The following CAMK1D variants were observed in gnomAD, a reference collection of about 807,000 sequenced individuals.
CAMK1D encodes calcium/calmodulin-dependent protein kinase type 1D.
Under a neutral mutation model 47.7 loss-of-function variants are expected in CAMK1D, and 9 were observed. The ratio of observed to expected loss-of-function variants is 0.19; its 90% CI spans 0.11 to 0.33. The LOEUF (loss-of-function observed/expected upper bound fraction) is 0.33. Among genes scored for constraint, CAMK1D ranks in the 10% least tolerant of loss-of-function variants. The probability of loss-of-function intolerance (pLI) is 1.00; values close to 1 mark genes in which losing one functional copy is unlikely to be tolerated. For synonymous variants in CAMK1D, 184 were observed against 184.9 expected (o/e 0.99, Z 0.04); for missense variants, 291 against 488.7 (o/e 0.60, Z 3.81).
intron 1 of CAMK1D, among the ~76,000 whole-genome samples, chr10:12,539,016 C>T (rs972672537): frequency 2.0e-5 from 3 of 152,154 alleles, no homozygotes; most frequent in African/African-American, 7.2e-5. Context: ...ATCCTCCTGC[C>T]TTGGTCTCCC....
chr10:12,692,986 T>G (rs2130674928), intron 3 of CAMK1D, among the ~76,000 whole-genome samples: 1 of 152,288 alleles, frequency 6.6e-6, no homozygotes, highest in East Asian at 1.9e-4. Context: ...GCTGCTGTGA[T>G]TAACATTTCA....
At chr10:12,593,831 C>T (rs1462647590) in intron 2 of CAMK1D, among the ~76,000 whole-genome samples, 2 of 152,290 alleles carry the variant, frequency 1.3e-5, no homozygotes, top group Non-Finnish European at 2.9e-5. Flanking sequence ...TAATGTCTGC[C>T]CTTGGTCAGG....
chr10:12,383,293 C>T (rs1342056358), intron 1 of CAMK1D, among the ~76,000 whole-genome samples: 1 of 151,494 alleles, frequency 6.6e-6, no homozygotes, highest in Non-Finnish European at 1.5e-5. Context: ...CTGTAAAGAG[C>T]TTTTTGTGGT....
At chr10:12,675,577 A>T (rs1380867094) in intron 3 of CAMK1D, among the ~76,000 whole-genome samples, 6 of 152,022 alleles carry the variant, frequency 3.9e-5, no homozygotes, top group African/African-American at 1.4e-4. Flanking sequence ...AAACACAACC[A>T]CTTTTCCTCG....
At chr10:12,788,122 A>G (rs546138400) in intron 5 of CAMK1D, among the ~76,000 whole-genome samples, 1 of 152,344 alleles carries the variant, frequency 6.6e-6, no homozygotes, top group Non-Finnish European at 1.5e-5. Flanking sequence ...TTTACTTGTT[A>G]ATAATTTAAA....
At position 12,714,210 on chromosome 10, in the gene CAMK1D, C is replaced by T. The variant is rs190473872; in HGVS notation, c.300-46738C>T. On this transcript the variant is annotated intron_variant, in intron 3 of 10. Transcript: ENST00000619168. ...TGGTCACCCTGCTGACCGACCCCAC[C>T]GTCACCCCCCACCCCCGTAGGCATA... Among the ~76,000 whole-genome samples, 810 of 152,174 alleles carry T rather than the reference C, an allele frequency of 5.3e-3. 5 individuals carry two copies. The highest frequency in any genetic ancestry group is 0.027 in the Middle Eastern group (8 of 294).
At chr10:12,769,615 C>T in intron 4 of CAMK1D, 58 bp from the exon 5 acceptor site, 1 of 1,589,306 alleles carries the variant, frequency 6.3e-7, no homozygotes, top group Admixed American at 1.7e-5. Context: ...ATGAGTCTTC[C>T]ACAATTAACC....
intron 3 of CAMK1D, among the ~76,000 whole-genome samples, chr10:12,756,708 C>G (rs187078042): frequency 2.0e-5 from 3 of 152,230 alleles, no homozygotes; most frequent in East Asian, 3.9e-4. Flanking sequence ...GGGTGGATCA[C>G]GAGGTCAGAA....
chr10:12,506,980 T>C (rs1298724275), intron 1 of CAMK1D, among the ~76,000 whole-genome samples: 2 of 152,222 alleles, frequency 1.3e-5, no homozygotes, highest in Non-Finnish European at 2.9e-5. Context: ...ATATTTCCCA[T>C]ATAAATATAG....
chr10:12,463,146 T>C (rs1365213403), intron 1 of CAMK1D, among the ~76,000 whole-genome samples: 1 of 151,910 alleles, frequency 6.6e-6, no homozygotes, highest in Admixed American at 6.6e-5. Context: ...TTTTTTTTTT[T>C]TCCTCCTGAA....
chr10:12,387,616 C>G (rs1282676638), intron 1 of CAMK1D, among the ~76,000 whole-genome samples: 1 of 149,258 alleles, frequency 6.7e-6, no homozygotes, highest in Admixed American at 6.8e-5. Flanking sequence ...AAGTGACCCT[C>G]CCACTTCAGC....
At chr10:12,427,788 A>C (rs1286228470) in intron 1 of CAMK1D, among the ~76,000 whole-genome samples, 1 of 130,344 alleles carries the variant, frequency 7.7e-6, no homozygotes, top group African/African-American at 3.0e-5. Context: ...GCTCACCGCA[A>C]CCTTTTCCTC....
In CAMK1D at chr10:12,381,206, G is replaced by A. The variant is rs187793984; in HGVS notation, c.92+31296G>A. On this transcript the variant is annotated intron_variant, in intron 1 of 10. Coordinates refer to ENST00000619168, the MANE Select transcript of CAMK1D (RefSeq NM_153498.4). The stretch of plus-strand genomic sequence containing the variant: ...GACAGCGGGCCCCGCCCCTTATAAA[G>A]TTGTAGAATGAATGCCGTTCCCTTC... 7.4e-4 allele frequency among the ~76,000 whole-genome samples: 112 copies of A among 152,324 alleles called. 1 individual carries two copies. Among genetic ancestry groups the A allele is most frequent in the African/African-American group, 2.5e-3 (103 of 41,568 alleles).
rs185038002 is a variant in CAMK1D, at chr10:12,527,619, G to A, written c.93-25606G>A. Reference sequence around the variant, plus strand: ...TCCAACTCCTGACCTCAAATGATCCGCCTGCCTCGGCTTCCCGAATTGCTG... The same window carrying A: ...TCCAACTCCTGACCTCAAATGATCCACCTGCCTCGGCTTCCCGAATTGCTG... On this transcript the variant is annotated intron_variant, in intron 1 of 10. Transcript: ENST00000619168. 6.1e-3 allele frequency among the ~76,000 whole-genome samples: 921 copies of A among 152,180 alleles called. 8 individuals are homozygous for A. The highest frequency in any genetic ancestry group is 8.8e-3 in the Non-Finnish European group (595 of 67,998).
intron 1 of CAMK1D, among the ~76,000 whole-genome samples, chr10:12,398,119 G>C (rs1839028922): frequency 6.6e-6 from 1 of 152,020 alleles, no homozygotes; most frequent in Non-Finnish European, 1.5e-5. Flanking sequence ...TGTAACCAGT[G>C]GAGCTAAATA....
intron 1 of CAMK1D, among the ~76,000 whole-genome samples, chr10:12,445,582 G>A (rs151295290): frequency 1.1e-4 from 16 of 152,224 alleles, no homozygotes; most frequent in African/African-American, 2.6e-4. Context: ...TACTGTTAAC[G>A]TGCTTTTTTA....
At chr10:12,682,478 T>G (rs1330385537) in intron 3 of CAMK1D, among the ~76,000 whole-genome samples, 1 of 152,190 alleles carries the variant, frequency 6.6e-6, no homozygotes. Context: ...ATAAAAATAT[T>G]TTGAAGGCTG....
intron 1 of CAMK1D, among the ~76,000 whole-genome samples, chr10:12,432,439 G>A (rs564829786): frequency 1.3e-5 from 2 of 150,404 alleles, no homozygotes; most frequent in Non-Finnish European, 3.0e-5. Context: ...AAATGAATGA[G>A]TGAGTACACG....
chr10:12,603,628 G>A lies in CAMK1D; in HGVS notation c.224+50272G>A, dbSNP rs559630262. Among the ~76,000 whole-genome samples, 8 of 152,274 alleles carry A rather than the reference G, an allele frequency of 5.3e-5. No homozygotes were observed. In the East Asian group the frequency reaches 1.5e-3, roughly 29 times the overall value. Reference sequence around the variant, plus strand: ...GACAGCCATGAGAAGGGTGCAGAAGGCAGTCAGCCCGCGGCTGGATTAGCA... The same window carrying A: ...GACAGCCATGAGAAGGGTGCAGAAGACAGTCAGCCCGCGGCTGGATTAGCA... On this transcript the variant is annotated intron_variant, in intron 2 of 10. Coordinates refer to ENST00000619168, the MANE Select transcript of CAMK1D (RefSeq NM_153498.4).
Sources: allele counts gnomAD v4.1 joint callset (sites outside exome capture counted in the v4.1 genomes callset), GRCh38; gene constraint gnomAD v4.1.1; transcripts MANE v1.5; gene names NCBI Gene and HGNC (gene_info 2026-07-23, HGNC 2026-07-21).